The following EIF3J variants were observed in gnomAD, a reference collection of about 807,000 sequenced individuals.
EIF3J encodes the protein eukaryotic translation initiation factor 3, subunit 1 (alpha, 35kD).
Under a neutral mutation model 39.0 loss-of-function variants are expected in EIF3J, and 15 were observed. The ratio of observed to expected loss-of-function variants is 0.38; its 90% CI spans 0.26 to 0.59. The LOEUF is 0.59. EIF3J is among the 20% of genes least tolerant of loss of function. The probability of loss-of-function intolerance (pLI) is 0.60; values close to 1 mark genes in which losing one functional copy is unlikely to be tolerated. For missense variants in EIF3J, 226 were observed against 308.6 expected (o/e 0.73, Z 2.00); for synonymous variants, 98 against 112.9 (o/e 0.87, Z 0.84).
chr15:44,539,478 G>A (rs367801853), intron 2 of EIF3J, among the ~76,000 whole-genome samples: 1 of 151,438 alleles, frequency 6.6e-6, no homozygotes, highest in African/African-American at 2.4e-5. Flanking sequence ...CACAATCTCC[G>A]CTCACTGCAA....
intron 2 of EIF3J, among the ~76,000 whole-genome samples, chr15:44,542,455 C>T (rs940041618): frequency 6.6e-5 from 10 of 152,036 alleles, no homozygotes; most frequent in African/African-American, 1.7e-4. Flanking sequence ...TTTTATTGCT[C>T]GTTTGAAGCT....
Position 44,537,159 on chromosome 15 carries a change from G to C in EIF3J, c.-36G>C, listed in dbSNP as rs368729572. 3 of 1,613,168 alleles carry C rather than the reference G, an allele frequency of 1.9e-6. No individual in the cohort carries two copies. The African/African-American group carries it at 4.0e-5, about 22-fold the overall frequency. The stretch of plus-strand genomic sequence containing the variant: ...CCTCCGCCGTGCTAACTCCTCGCTA[G>C]CTCTCCCTCTCACACACGCTCACAC... On this transcript the variant is annotated 5_prime_UTR_variant, in exon 1 of 8. Transcript: ENST00000261868.
chr15:44,547,582 G>C (rs117449359), intron 2 of EIF3J, among the ~76,000 whole-genome samples: 6 of 151,260 alleles, frequency 4.0e-5, no homozygotes, highest in Non-Finnish European at 8.8e-5. Context: ...CCAAGTAGTT[G>C]GGATTATAGG....
chr15:44,537,330 A>G lies in EIF3J; in HGVS notation c.50A>G (p.Asp17Gly), dbSNP rs1236733299. The change falls in exon 2 of 8, where the codon GAC (aspartate) becomes GGC (glycine). Residue 17 changes from aspartate to glycine, a missense_variant. Coordinates refer to ENST00000261868, the MANE Select transcript of EIF3J (RefSeq NM_003758.4). ...AAGDSDSWDA[D>G]AFSVEDPVRK... ...GGCTCGCTTTCTTCCGTAGACGCCG[A>G]CGCTTTCTCCGTGGAAGACCCAGTG... The G allele has an allele frequency of 1.3e-6, 2 of 1,562,980 alleles. No homozygotes were observed. The highest frequency in any genetic ancestry group is 1.2e-5 in the South Asian group (1 of 85,468).
At chr15:44,550,085 T>C (rs1026244073) in intron 2 of EIF3J, among the ~76,000 whole-genome samples, 9 of 152,288 alleles carry the variant, frequency 5.9e-5, no homozygotes, top group South Asian at 2.1e-4. Flanking sequence ...CTGTTCAACA[T>C]TGCACTAGAG....
chr15:44,540,262 TATATA>T (rs1301002227), intron 2 of EIF3J, among the ~76,000 whole-genome samples: 1,084 of 53,826 alleles, frequency 0.02, 4 homozygotes, highest in Non-Finnish European at 0.028. Context: ...TATATATATA[TATATA>T]TTTTTTTTTT....
intron 5 of EIF3J, among the ~76,000 whole-genome samples, chr15:44,555,926 C>T (rs765145982): frequency 2.2e-4 from 33 of 152,016 alleles, no homozygotes; most frequent in Middle Eastern, 3.4e-3. Flanking sequence ...TGGCTGAGAT[C>T]GGCTCACTGC....
At chr15:44,539,517 C>G (rs1167438608) in intron 2 of EIF3J, among the ~76,000 whole-genome samples, 1 of 151,500 alleles carries the variant, frequency 6.6e-6, no homozygotes, top group Non-Finnish European at 1.5e-5. Flanking sequence ...ACTCCATTCT[C>G]CTGCCTCAGC....
At chr15:44,556,711 T>C (rs1245882732) in intron 5 of EIF3J, among the ~76,000 whole-genome samples, 3 of 152,188 alleles carry the variant, frequency 2.0e-5, no homozygotes, top group Non-Finnish European at 4.4e-5. Context: ...GGTTTCACCA[T>C]GTTGGCCAGG....
At chr15:44,552,238 T>C (rs754773281) in intron 4 of EIF3J, among the ~76,000 whole-genome samples, 1 of 152,124 alleles carries the variant, frequency 6.6e-6, no homozygotes, top group Non-Finnish European at 1.5e-5. Flanking sequence ...ATCAGAAATA[T>C]ATGCTTGTTT....
intron 5 of EIF3J, among the ~76,000 whole-genome samples, chr15:44,557,166 T>C (rs1167043818): frequency 6.6e-6 from 1 of 152,130 alleles, no homozygotes; most frequent in Non-Finnish European, 1.5e-5. Context: ...TATTGTAAGA[T>C]ATCTGTAATG....
At chr15:44,537,513 C>T (rs2081969467) in intron 2 of EIF3J, 86 bp downstream of exon 2, 3 of 1,358,178 alleles carry the variant, frequency 2.2e-6, no homozygotes, top group Admixed American at 3.4e-5. Flanking sequence ...GCTGCCGGGG[C>T]CTGCGGGCCG....
At chr15:44,549,781 A>AC in intron 2 of EIF3J, among the ~76,000 whole-genome samples, 1 of 150,278 alleles carries the variant, frequency 6.7e-6, no homozygotes, top group South Asian at 2.1e-4. Flanking sequence ...AAAAAAAAAA[A>AC]AAAAAAAAAC....
intron 2 of EIF3J, among the ~76,000 whole-genome samples, chr15:44,548,393 C>T (rs980842715): frequency 1.3e-5 from 2 of 152,006 alleles, no homozygotes; most frequent in East Asian, 1.9e-4. Flanking sequence ...CCAACCTGGG[C>T]GACAAGAGTG....
chr15:44,550,147 G>T (rs1034449954), intron 2 of EIF3J, among the ~76,000 whole-genome samples: 4 of 152,190 alleles, frequency 2.6e-5, no homozygotes, highest in African/African-American at 9.6e-5. Context: ...AGGATTGGTA[G>T]AGAAGTAAAG....
intron 2 of EIF3J, among the ~76,000 whole-genome samples, chr15:44,544,220 G>A (rs778863442): frequency 8.0e-5 from 12 of 150,386 alleles, no homozygotes; most frequent in Non-Finnish European, 1.5e-4. Context: ...TCAGCCTCCC[G>A]AGTAGCTGGG....
intron 4 of EIF3J, 80 bp downstream of exon 4, chr15:44,551,602 A>G (rs2082099668): frequency 1.9e-6 from 2 of 1,056,574 alleles, no homozygotes; most frequent in South Asian, 3.1e-5. Context: ...ATTACCTAGG[A>G]ATTTGAAGGG....
At chr15:44,560,967 A>C (rs1273174059) in intron 7 of EIF3J, 51 bp from the exon 8 acceptor site, 1 of 1,596,366 alleles carries the variant, frequency 6.3e-7, no homozygotes, top group East Asian at 2.2e-5. Context: ...GTACCAGATA[A>C]GATGCCCATA....
intron 7 of EIF3J, 126 bp from the exon 8 acceptor site, chr15:44,560,892 T>A: frequency 7.7e-7 from 1 of 1,295,918 alleles, no homozygotes; most frequent in Non-Finnish European, 1.0e-6. Context: ...TAGGCTCGGA[T>A]GTCCCTTACA....
Sources: gnomAD v4.1 joint callset for allele counts (sites outside exome capture counted in the v4.1 genomes callset) on GRCh38, gnomAD v4.1.1 for gene constraint, MANE v1.5 for transcripts, NCBI Gene and HGNC (gene_info 2026-07-23, HGNC 2026-07-21) for gene names.